Variants in CORIN observed in about 807,000 individuals in gnomAD.
CORIN encodes the protein corin, serine peptidase.
A neutral mutation model predicts 125.3 loss-of-function variants in CORIN; 117 were observed. That is an observed-to-expected ratio of 0.93 (90% CI 0.80 to 1.09). CORIN has a LOEUF of 1.09. Ranked by LOEUF, CORIN falls within the 50% of genes least tolerant of loss-of-function variation. The pLI is 0.00. For synonymous variants in CORIN, 450 were observed against 466.4 expected (o/e 0.96, Z 0.45); for missense variants, 1,253 against 1,306.7 (o/e 0.96, Z 0.63).
At chr4:47,734,687 T>C (rs1013462423) in intron 5 of CORIN, among the ~76,000 whole-genome samples, 1 of 152,344 alleles carries the variant, frequency 6.6e-6, no homozygotes. Context: ...TTGCAAAACA[T>C]ATAGCCCTGG....
chr4:47,741,207 A>C (rs1384897212), intron 5 of CORIN, among the ~76,000 whole-genome samples: 1 of 152,022 alleles, frequency 6.6e-6, no homozygotes, highest in African/African-American at 2.4e-5. Flanking sequence ...TTGCATCCAG[A>C]ATATATAAAG....
chr4:47,663,588 C>T (rs528949140), intron 11 of CORIN, among the ~76,000 whole-genome samples: 2 of 152,110 alleles, frequency 1.3e-5, no homozygotes, highest in Non-Finnish European at 2.9e-5. Context: ...TAATATGGAA[C>T]TTAAGCCCTG....
chr4:47,643,091 T>A, intron 15 of CORIN, 55 bp downstream of exon 15: 2 of 1,613,552 alleles, frequency 1.2e-6, no homozygotes. Flanking sequence ...CCATTCAGCT[T>A]CAGTGGCTGA....
intron 16 of CORIN, among the ~76,000 whole-genome samples, chr4:47,630,631 A>G (rs1359298484): frequency 6.6e-6 from 1 of 152,174 alleles, no homozygotes; most frequent in Non-Finnish European, 1.5e-5. Flanking sequence ...CCCAATTGCC[A>G]TTTGTCTACA....
At chr4:47,756,470 T>A (rs543684664) in intron 4 of CORIN, among the ~76,000 whole-genome samples, 1 of 152,278 alleles carries the variant, frequency 6.6e-6, no homozygotes, top group East Asian at 1.9e-4. Flanking sequence ...TGGGTAACAG[T>A]ATGGTGTTTT....
chr4:47,779,842 A>C (rs73150662), intron 3 of CORIN, among the ~76,000 whole-genome samples: 86 of 152,318 alleles, frequency 5.6e-4, no homozygotes, highest in African/African-American at 2.0e-3. Flanking sequence ...ATTGGTGCGT[A>C]AGCTTTCTAC....
chr4:47,714,024 A>G (rs1726976594), intron 5 of CORIN, among the ~76,000 whole-genome samples: 1 of 152,198 alleles, frequency 6.6e-6, no homozygotes, highest in African/African-American at 2.4e-5. Context: ...CAGTTGCTAT[A>G]GTGGAAAGGG....
At chr4:47,773,452 C>T (rs9996629) in intron 3 of CORIN, among the ~76,000 whole-genome samples, 8,684 of 152,178 alleles carry the variant, frequency 0.057, 766 homozygotes, top group African/African-American at 0.19. Flanking sequence ...CAGGGCAGGT[C>T]TGCATACCAA....
intron 1 of CORIN, among the ~76,000 whole-genome samples, chr4:47,835,295 C>T (rs950071474): frequency 6.6e-6 from 1 of 152,182 alleles, no homozygotes; most frequent in Non-Finnish European, 1.5e-5. Context: ...ATGGGGCTAA[C>T]AGGATGCATG....
At chr4:47,603,039 G>A (rs1406951949) in intron 20 of CORIN, among the ~76,000 whole-genome samples, 1 of 152,030 alleles carries the variant, frequency 6.6e-6, no homozygotes, top group Non-Finnish European at 1.5e-5. Context: ...ATATGGTTTG[G>A]CTGTGTTCCC....
At chr4:47,621,520 T>C (rs1370547962) in intron 19 of CORIN, among the ~76,000 whole-genome samples, 3 of 152,218 alleles carry the variant, frequency 2.0e-5, no homozygotes, top group African/African-American at 4.8e-5. Flanking sequence ...TTTGTTGTTA[T>C]TGTTTTGTTT....
chr4:47,788,021 T>G lies in CORIN; in HGVS notation c.209-1096A>C, dbSNP rs140158292. Among the ~76,000 whole-genome samples the G allele has an allele frequency of 1.5e-3, 232 of 152,348 alleles. 1 individual carries two copies. Among genetic ancestry groups the G allele is most frequent in the African/African-American group, 5.4e-3 (225 of 41,580 alleles). On this transcript the variant is annotated intron_variant, in intron 2 of 21. Transcript: ENST00000273857. ...TTGCTTTGTCTTTAGGAAGAAACAT[T>G]TGAAAACTTTGAAAGAGATCGTGTA...
intron 4 of CORIN, among the ~76,000 whole-genome samples, chr4:47,757,725 A>C (rs1463610851): frequency 1.3e-5 from 2 of 151,506 alleles, no homozygotes; most frequent in African/African-American, 4.8e-5. Context: ...TAGCACACTT[A>C]TCAGGTCAGG....
chr4:47,832,802 C>T (rs1733117537), intron 1 of CORIN, among the ~76,000 whole-genome samples: 2 of 152,068 alleles, frequency 1.3e-5, no homozygotes, highest in Admixed American at 1.3e-4. Context: ...TCTAGAACTG[C>T]CTGAGAGAAC....
chr4:47,649,443 G>C lies in CORIN; in HGVS notation c.1843+4110C>G, dbSNP rs749545805. On this transcript the variant is annotated intron_variant, in intron 13 of 21. Coordinates refer to ENST00000273857, the MANE Select transcript of CORIN (RefSeq NM_006587.4). ...TGCTAGACAGGACTCCTTCCCTCAA[G>C]GGAGATGGCTGGGGCAGCCTTTGAA... Among the ~76,000 whole-genome samples, 5 of 152,224 alleles carry C rather than the reference G, an allele frequency of 3.3e-5. No individual in the cohort carries two copies. The East Asian group carries it at 9.6e-4, about 29-fold the overall frequency.
intron 4 of CORIN, among the ~76,000 whole-genome samples, chr4:47,757,383 C>G (rs2109859054): frequency 6.6e-6 from 1 of 152,154 alleles, no homozygotes; most frequent in Admixed American, 6.5e-5. Context: ...CACTTGAGGT[C>G]AGAAGTTCGA....
At chr4:47,706,373 T>C (rs1577847149) in intron 5 of CORIN, 1 of 1,603,612 alleles carries the variant, frequency 6.2e-7, no homozygotes, top group East Asian at 2.2e-5. Context: ...TAAGCCAAGA[T>C]GGGTGCATAC....
At chr4:47,706,433 T>C (rs1726556876) in intron 5 of CORIN, 1 of 1,610,070 alleles carries the variant, frequency 6.2e-7, no homozygotes, top group Admixed American at 1.7e-5. Flanking sequence ...GTCACGCGCT[T>C]TCTTCTGAGG....
intron 5 of CORIN, among the ~76,000 whole-genome samples, chr4:47,709,732 T>C (rs1479473917): frequency 1.3e-5 from 2 of 152,210 alleles, no homozygotes; most frequent in African/African-American, 4.8e-5. Flanking sequence ...AAAATTTATT[T>C]TTTAGGCCAT....
Sources: gnomAD v4.1 joint callset for allele counts (sites outside exome capture counted in the v4.1 genomes callset) on GRCh38, gnomAD v4.1.1 for gene constraint, MANE v1.5 for transcripts, NCBI Gene and HGNC (gene_info 2026-07-23, HGNC 2026-07-21) for gene names.